The following STK39 variants were observed in gnomAD, a reference collection of about 807,000 sequenced individuals.
The protein encoded by STK39 is STE20/SPS1-related proline-alanine-rich protein kinase.
Under a neutral mutation model 77.8 loss-of-function variants are expected in STK39, and 20 were observed. That is an observed-to-expected ratio of 0.26 (90% CI 0.18 to 0.37). The LOEUF (loss-of-function observed/expected upper bound fraction) is 0.37. Among genes scored for constraint, STK39 ranks in the 10% least tolerant of loss-of-function variants. STK39 has a pLI of 1.00. For synonymous variants in STK39, 246 were observed against 234.1 expected (o/e 1.05, Z -0.47); for missense variants, 479 against 656.5 (o/e 0.73, Z 2.95).
intron 2 of STK39, among the ~76,000 whole-genome samples, chr2:168,170,711 CAAGG>C (rs1294312123): frequency 2.6e-5 from 4 of 152,226 alleles, no homozygotes; most frequent in African/African-American, 9.6e-5. Context: ...CAGACGACTG[CAAGG>C]AAGCCGACAG....
In STK39 at chr2:168,167,349, GAGGTGTAAT is replaced by G; in HGVS notation, c.371_379del (p.Tyr124_Thr126del). On this transcript the variant is annotated inframe_deletion, in exon 3 of 18. Transcript: ENST00000355999. ...CCAAAGTTCATCTTTGACCACAAAA[GAGGTGTAAT>G]AGGTCACTACGTTGGGATGGCTGCA... 2 of 1,613,802 alleles carry G rather than the reference GAGGTGTAAT, an allele frequency of 1.2e-6. No homozygotes were observed. Among genetic ancestry groups the G allele is most frequent in the Non-Finnish European group, 1.7e-6 (2 of 1,179,810 alleles).
intron 10 of STK39, among the ~76,000 whole-genome samples, chr2:168,076,156 T>G (rs917290994): frequency 6.6e-6 from 1 of 152,202 alleles, no homozygotes; most frequent in African/African-American, 2.4e-5. Flanking sequence ...CAGAGAAACT[T>G]CGTGTGGAAA....
intron 3 of STK39, among the ~76,000 whole-genome samples, chr2:168,165,267 T>C (rs72874961): frequency 6.9e-4 from 105 of 152,282 alleles, no homozygotes; most frequent in Middle Eastern, 6.8e-3. Flanking sequence ...AAATCTGTTC[T>C]TACCTAAAGC....
At chr2:168,024,954 G>C (rs764903910) in intron 14 of STK39, among the ~76,000 whole-genome samples, 1 of 152,130 alleles carries the variant, frequency 6.6e-6, no homozygotes. Flanking sequence ...TCCCTTACCC[G>C]CCTACTGGGT....
chr2:167,992,739 T>A (rs1057254877), intron 16 of STK39, among the ~76,000 whole-genome samples: 4 of 152,196 alleles, frequency 2.6e-5, no homozygotes, highest in African/African-American at 9.6e-5. Flanking sequence ...AAGAAAAACC[T>A]GTAATATATA....
intron 16 of STK39, among the ~76,000 whole-genome samples, chr2:167,990,142 T>C (rs1046207155): frequency 3.9e-5 from 6 of 152,168 alleles, no homozygotes; most frequent in African/African-American, 1.4e-4. Flanking sequence ...AATGAGATTT[T>C]TTCACGAATC....
chr2:168,185,314 G>C (rs1412060755), intron 1 of STK39, among the ~76,000 whole-genome samples: 1 of 152,098 alleles, frequency 6.6e-6, no homozygotes, highest in Non-Finnish European at 1.5e-5. Flanking sequence ...AAGTTAAGTG[G>C]GCACGGCTTT....
chr2:168,246,714 T>C (rs1384116771), intron 1 of STK39, among the ~76,000 whole-genome samples: 1 of 152,104 alleles, frequency 6.6e-6, no homozygotes, highest in African/African-American at 2.4e-5. Context: ...GGCTTCTACG[T>C]GGCCCCGTTA....
intron 10 of STK39, among the ~76,000 whole-genome samples, chr2:168,097,448 G>C (rs1056554344): frequency 6.6e-6 from 1 of 152,160 alleles, no homozygotes; most frequent in African/African-American, 2.4e-5. Context: ...AGAATGGCTG[G>C]GCATGGTGGT....
intron 10 of STK39, among the ~76,000 whole-genome samples, chr2:168,098,209 A>G (rs1686724908): frequency 6.6e-6 from 1 of 152,242 alleles, no homozygotes; most frequent in African/African-American, 2.4e-5. Flanking sequence ...AATCAAGTGC[A>G]CATGTACTTT....
intron 17 of STK39, among the ~76,000 whole-genome samples, chr2:167,956,694 ACACTCTCTCTCTCT>A (rs1319784014): frequency 7.2e-5 from 3 of 41,728 alleles, no homozygotes; most frequent in African/African-American, 2.7e-4. Flanking sequence ...ACACACACAC[ACACTCTCTCTCTCT>A]CTCTCTCTCT....
intron 14 of STK39, among the ~76,000 whole-genome samples, chr2:168,033,812 A>T (rs1341653022): frequency 3.3e-5 from 5 of 152,190 alleles, no homozygotes; most frequent in Non-Finnish European, 7.3e-5. Context: ...CTGACGAGCT[A>T]TGAGACCTTG....
intron 10 of STK39, among the ~76,000 whole-genome samples, chr2:168,100,306 T>TG (rs577558498): frequency 6.1e-4 from 93 of 152,274 alleles, no homozygotes; most frequent in African/African-American, 2.1e-3. Context: ...ACTGTGCTGC[T>TG]GGGGGAGAGC....
chr2:167,972,394 T>A (rs1237547913), intron 16 of STK39, among the ~76,000 whole-genome samples: 3 of 152,214 alleles, frequency 2.0e-5, no homozygotes, highest in Non-Finnish European at 4.4e-5. Flanking sequence ...GCCTAGGACC[T>A]CATAAGCCTG....
intron 2 of STK39, among the ~76,000 whole-genome samples, chr2:168,176,288 A>G (rs917076490): frequency 3.9e-5 from 6 of 151,956 alleles, no homozygotes; most frequent in Non-Finnish European, 8.8e-5. Flanking sequence ...CAAGGTTTTG[A>G]GAGTTTCTCC....
intron 10 of STK39, among the ~76,000 whole-genome samples, chr2:168,082,589 C>T (rs1459484274): frequency 6.6e-6 from 1 of 152,194 alleles, no homozygotes. Flanking sequence ...TCCTACCTCT[C>T]TTGTCCTTCT....
chr2:168,091,150 G>GCACACACACACA lies in STK39; in HGVS notation c.1090-15931_1090-15920dup, dbSNP rs71927823. On this transcript the variant is annotated intron_variant, in intron 10 of 17. Coordinates refer to ENST00000355999, the MANE Select transcript of STK39 (RefSeq NM_013233.3). ...TGTGAGGATAGAAACACAAACAGGTGCACACACACACACACACACACACAC... is the reference window on the plus strand; with the variant it reads ...TGTGAGGATAGAAACACAAACAGGTGCACACACACACACACACACACACACACACACACACAC... Among the ~76,000 whole-genome samples the GCACACACACACA allele has an allele frequency of 2.9e-3, 422 of 147,640 alleles. 3 individuals carry two copies. The highest frequency in any genetic ancestry group is 9.9e-3 in the African/African-American group (396 of 40,012).
At chr2:168,233,794 GACT>G (rs1690522115) in intron 1 of STK39, among the ~76,000 whole-genome samples, 2 of 152,084 alleles carry the variant, frequency 1.3e-5, no homozygotes, top group Admixed American at 1.3e-4. Flanking sequence ...AAGTGATTCT[GACT>G]ACGATATCCA....
At chr2:167,998,503 G>C (rs569535460) in intron 16 of STK39, among the ~76,000 whole-genome samples, 1 of 152,152 alleles carries the variant, frequency 6.6e-6, no homozygotes, top group Non-Finnish European at 1.5e-5. Flanking sequence ...GTGAGAATAA[G>C]GCAATATTAT....
Sources: allele counts gnomAD v4.1 joint callset (sites outside exome capture counted in the v4.1 genomes callset), GRCh38; gene constraint gnomAD v4.1.1; transcripts MANE v1.5; gene names NCBI Gene and HGNC (gene_info 2026-07-23, HGNC 2026-07-21).